The following INPP1 variants were observed in gnomAD, a reference collection of about 807,000 sequenced individuals.
INPP1 encodes the protein inositol polyphosphate 1-phosphatase.
Under a neutral mutation model 23.0 loss-of-function variants are expected in INPP1, and 18 were observed. The ratio of observed to expected loss-of-function variants is 0.78; its 90% CI spans 0.54 to 1.16. The LOEUF (loss-of-function observed/expected upper bound fraction) is 1.16. INPP1 is among the 50% of genes most tolerant of loss of function. INPP1 has a pLI of 0.00. For synonymous variants in INPP1, 164 were observed against 176.3 expected (o/e 0.93, Z 0.55); for missense variants, 448 against 482.1 (o/e 0.93, Z 0.66).
intron 2 of INPP1, among the ~76,000 whole-genome samples, chr2:190,359,447 C>T (rs537424957): frequency 1.3e-4 from 19 of 151,858 alleles, no homozygotes; most frequent in African/African-American, 4.6e-4. Context: ...GTCCCACCTA[C>T]TCGGGAGGCT....
chr2:190,370,612 A>T (rs1689780841), intron 6 of INPP1, among the ~76,000 whole-genome samples: 1 of 152,230 alleles, frequency 6.6e-6, no homozygotes, highest in East Asian at 1.9e-4. Context: ...TGATGTGATA[A>T]TGCCATAAAA....
rs1036038710 is a variant in INPP1, at chr2:190,356,271, A to G, written c.-64-3768A>G. Among the ~76,000 whole-genome samples, 1 of 152,232 alleles carries G rather than the reference A, an allele frequency of 6.6e-6. No homozygotes were observed. Among genetic ancestry groups the G allele is most frequent in the Non-Finnish European group, 1.5e-5 (1 of 68,040 alleles). On this transcript the variant is annotated intron_variant, in intron 2 of 6. Transcript: ENST00000392329. This position sits in a 1 kb window ranked among gnomAD's most constrained non-coding sequence, Gnocchi z 6.4. Reference sequence around the variant, plus strand: ...TCAACCTGGAACTTGACAAAATATGACAGTGTTGCCTAGGGCCAAAACGAA... The same window carrying G: ...TCAACCTGGAACTTGACAAAATATGGCAGTGTTGCCTAGGGCCAAAACGAA...
Position 190,368,613 on chromosome 2 carries a change from A to G in INPP1, c.467-490A>G, listed in dbSNP as rs1032019833. The G allele has an allele frequency of 6.6e-6, 1 of 152,278 alleles. No homozygotes were observed. The highest frequency in any genetic ancestry group is 1.9e-4 in the East Asian group (1 of 5,200). The allele number at this position is 152,278 out of a possible 1,614,324, so 9.4% of individuals were successfully genotyped here. On this transcript the variant is annotated intron_variant, in intron 5 of 6. Transcript: ENST00000392329. The surrounding 1 kb of genome is among the most constrained non-coding windows in gnomAD (Gnocchi z 4.3). ...CATCCCTTTGAGCATTTATCCTTTG[A>G]GTAATAAACAATCTAGTTACACTCT...
chr2:190,352,795 C>T lies in INPP1; in HGVS notation c.-65+3764C>T, dbSNP rs1284328776. Among the ~76,000 whole-genome samples, 1 of 152,204 alleles carries T rather than the reference C, an allele frequency of 6.6e-6. No homozygotes were observed. Among genetic ancestry groups the T allele is most frequent in the Non-Finnish European group, 1.5e-5 (1 of 68,038 alleles). On this transcript the variant is annotated intron_variant, in intron 2 of 6. Transcript: ENST00000392329. The surrounding 1 kb of genome is among the most constrained non-coding windows in gnomAD (Gnocchi z 4.7). ...CTACACAGACTCCTGGACAGCTGTA[C>T]CCCCTTGGAAAAGGTCATGAGAAAC...
rs545606316 is a variant in INPP1 at position 190,355,775 on chromosome 2, G to A, written c.-64-4264G>A. Among the ~76,000 whole-genome samples the A allele has an allele frequency of 2.6e-5, 4 of 152,286 alleles. No homozygotes were observed. The South Asian group carries it at 8.3e-4, about 32-fold the overall frequency. On this transcript the variant is annotated intron_variant, in intron 2 of 6. Transcript: ENST00000392329. This position sits in a 1 kb window ranked among gnomAD's most constrained non-coding sequence, Gnocchi z 5.1. ...GTGGTCTTAGGTGAATGATGAGTAT[G>A]TAAACTTACTTTTTAAAAAATCATC... is the stretch of plus-strand genomic sequence containing the variant.
At chr2:190,344,135 C>G (rs1209676215) in intron 1 of INPP1, 174 bp downstream of exon 1, 1 of 174,646 alleles carries the variant, frequency 5.7e-6, no homozygotes, top group Non-Finnish European at 1.2e-5. Context: ...TGCGAGGTCC[C>G]TGCCCCGGCA....
chr2:190,348,068 GC>G (rs1349995739), intron 1 of INPP1, among the ~76,000 whole-genome samples: 4 of 152,224 alleles, frequency 2.6e-5, no homozygotes, highest in African/African-American at 9.6e-5. Flanking sequence ...AACCTGGGAG[GC>G]GGAGGTTGCA....
At chr2:190,365,780 A>ACT (rs900173656) in intron 4 of INPP1, among the ~76,000 whole-genome samples, 16 of 150,844 alleles carry the variant, frequency 1.1e-4, no homozygotes, top group Non-Finnish European at 1.9e-4. Flanking sequence ...TCACTGGCTC[A>ACT]CTCTCTCTCT....
chr2:190,366,180 G>GCTCT (rs59909447), intron 4 of INPP1, among the ~76,000 whole-genome samples: 91,700 of 138,222 alleles, frequency 0.66, 29,560 homozygotes, highest in East Asian at 0.77. Context: ...TTTGTCTCTT[G>GCTCT]CTCTCTGTCT....
intron 2 of INPP1, among the ~76,000 whole-genome samples, chr2:190,357,210 CATTTT>C (rs1244971278): frequency 1.3e-5 from 2 of 152,184 alleles, no homozygotes; most frequent in African/African-American, 4.8e-5. Context: ...ACCGCAGTCT[CATTTT>C]ATTTAGACAT....
intron 4 of INPP1, 98 bp downstream of exon 4, chr2:190,362,785 A>G: frequency 1.5e-6 from 1 of 677,694 alleles, no homozygotes; most frequent in East Asian, 2.9e-5. Flanking sequence ...GAAGCCACTT[A>G]CTGTAAACAA....
At chr2:190,362,441 G>T (rs1428433107) in intron 3 of INPP1, among the ~76,000 whole-genome samples, 186 bp from the exon 4 acceptor site, 1 of 152,174 alleles carries the variant, frequency 6.6e-6, no homozygotes, top group African/African-American at 2.4e-5. Context: ...AAAAATATTA[G>T]AAAATTAAGC....
chr2:190,355,797 C>T lies in INPP1; in HGVS notation c.-64-4242C>T, dbSNP rs1203783269. ...TATGTAAACTTACTTTTTAAAAAAT[C>T]ATCTACTTCATCACGCAGTTATCAA... On this transcript the variant is annotated intron_variant, in intron 2 of 6. Transcript: ENST00000392329. The surrounding 1 kb of genome is among the most constrained non-coding windows in gnomAD (Gnocchi z 5.1). Among the ~76,000 whole-genome samples, 2 of 152,074 alleles carry T rather than the reference C, an allele frequency of 1.3e-5. No individual in the cohort carries two copies. The highest frequency in any genetic ancestry group is 6.6e-5 in the Admixed American group (1 of 15,258).
At position 190,371,201 on chromosome 2, in the gene INPP1, C is replaced by T. The variant is rs1689796885; in HGVS notation, c.999C>T (p.Asp333=). ...ILRAMGGGIV[D]LKECLERNPE... ...GGGCCATGGGTGGGGGAATAGTAGACTTGAAAGAATGCTTAGAAAGAAATC... is the reference window on the plus strand; with the variant it reads ...GGGCCATGGGTGGGGGAATAGTAGATTTGAAAGAATGCTTAGAAAGAAATC... Residue 333 remains aspartate (D), a synonymous_variant, in exon 7 of 7, where the codon GAC becomes GAT. Coordinates refer to ENST00000392329, the MANE Select transcript of INPP1 (RefSeq NM_001128928.2). The surrounding 1 kb of genome is among the most constrained non-coding windows in gnomAD (Gnocchi z 5.3). 4 of 1,613,660 alleles carry T rather than the reference C, an allele frequency of 2.5e-6. No homozygotes were observed. The East Asian group carries it at 6.7e-5, about 27-fold the overall frequency.
intron 2 of INPP1, among the ~76,000 whole-genome samples, chr2:190,351,509 G>A (rs1436506683): frequency 6.6e-6 from 1 of 152,144 alleles, no homozygotes; most frequent in Non-Finnish European, 1.5e-5. Context: ...GACTTCCAAC[G>A]TTGCTATAGG....
In INPP1 at chr2:190,354,491, A is replaced by T. The variant is rs1319917700; in HGVS notation, c.-65+5460A>T. 2.0e-5 allele frequency among the ~76,000 whole-genome samples: 3 copies of T among 152,228 alleles called. No homozygotes were observed. The highest frequency in any genetic ancestry group is 2.9e-5 in the Non-Finnish European group (2 of 68,056). ...AGGTCATACAGGCGGATCCTTATCC[A>T]GTCTGACTGGCGTCCTTGTAAGAAA... On this transcript the variant is annotated intron_variant, in intron 2 of 6. Coordinates refer to ENST00000392329, the MANE Select transcript of INPP1 (RefSeq NM_001128928.2). This position sits in a 1 kb window ranked among gnomAD's most constrained non-coding sequence, Gnocchi z 4.8.
At chr2:190,347,181 T>G (rs1490443232) in intron 1 of INPP1, among the ~76,000 whole-genome samples, 8 of 151,872 alleles carry the variant, frequency 5.3e-5, no homozygotes, top group African/African-American at 1.7e-4. Flanking sequence ...CAGGCTAATT[T>G]TTTGTATTTT....
chr2:190,369,393 G>A, intron 6 of INPP1, 116 bp downstream of exon 6: 1 of 520,874 alleles, frequency 1.9e-6, no homozygotes, highest in Non-Finnish European at 3.4e-6. Context: ...TGGGAGTGTT[G>A]CCATTGAAAG....
intron 4 of INPP1, among the ~76,000 whole-genome samples, chr2:190,364,292 C>T (rs1689592416): frequency 6.6e-6 from 1 of 151,962 alleles, no homozygotes; most frequent in Non-Finnish European, 1.5e-5. Flanking sequence ...GTAATCCCAG[C>T]ACTTTGGGAG....
Sources: gnomAD v4.1 joint callset for allele counts (sites outside exome capture counted in the v4.1 genomes callset) on GRCh38, gnomAD v4.1.1 for gene constraint, Gnocchi (gnomAD v3.1) non-coding constraint, MANE v1.5 for transcripts, NCBI Gene and HGNC (gene_info 2026-07-23, HGNC 2026-07-21) for gene names.